INPP5B: variants seen among roughly 807,000 people sequenced by gnomAD.
The protein encoded by INPP5B is type II inositol 1,4,5-trisphosphate 5-phosphatase.
INPP5B carries 90 observed loss-of-function variants against 118.5 expected under a neutral mutation model. The observed-to-expected ratio is 0.76, with a 90% CI of 0.64 to 0.90. The LOEUF is 0.90. INPP5B is among the 40% of genes least tolerant of loss of function. INPP5B has a pLI of 0.00. For missense variants in INPP5B, 984 were observed against 1,125.6 expected (o/e 0.87, Z 1.80); for synonymous variants, 385 against 418.9 (o/e 0.92, Z 0.99).
intron 7 of INPP5B, among the ~76,000 whole-genome samples, chr1:37,908,163 A>G (rs1557681610): frequency 2.0e-5 from 3 of 152,052 alleles, no homozygotes. Flanking sequence ...TGCTCACACA[A>G]AGCCTGTTGG....
chr1:37,875,467 AC>A, intron 17 of INPP5B, 138 bp downstream of exon 17: 1 of 594,560 alleles, frequency 1.7e-6, no homozygotes, highest in Non-Finnish European at 3.0e-6. Flanking sequence ...ACAGGGTTTC[AC>A]CGTGTTAGCC....
At chr1:37,922,330 G>A (rs1271051474) in intron 7 of INPP5B, among the ~76,000 whole-genome samples, 1 of 149,466 alleles carries the variant, frequency 6.7e-6, no homozygotes, top group African/African-American at 2.5e-5. Flanking sequence ...TGGATGTTAA[G>A]GTGAGTCGAG....
chr1:37,924,578 A>G (rs1440545157), intron 7 of INPP5B, among the ~76,000 whole-genome samples: 1 of 152,146 alleles, frequency 6.6e-6, no homozygotes, highest in Non-Finnish European at 1.5e-5. Context: ...TCCCATTTTA[A>G]AGACATAAGA....
chr1:37,915,032 A>T (rs1644819391), intron 7 of INPP5B, among the ~76,000 whole-genome samples: 2 of 152,190 alleles, frequency 1.3e-5, no homozygotes, highest in African/African-American at 2.4e-5. Context: ...CTACAGTAAC[A>T]ACTGCAGCTT....
chr1:37,931,572 A>AGCG, intron 7 of INPP5B: 1 of 1,537,726 alleles, frequency 6.5e-7, no homozygotes, highest in Non-Finnish European at 8.7e-7. Flanking sequence ...CTTCGCCCCG[A>AGCG]GCGTCCACTG....
chr1:37,922,705 A>C (rs187073165), intron 7 of INPP5B, among the ~76,000 whole-genome samples: 12 of 152,268 alleles, frequency 7.9e-5, no homozygotes, highest in African/African-American at 2.9e-4. Flanking sequence ...CAAAAAAATA[A>C]ATAAAATAAA....
At chr1:37,868,413 C>G in intron 20 of INPP5B, 88 bp downstream of exon 20, 1 of 784,230 alleles carries the variant, frequency 1.3e-6, no homozygotes, top group Non-Finnish European at 2.3e-6. Flanking sequence ...CAGTTCTCCA[C>G]AGTTTCCTTA....
intron 14 of INPP5B, 101 bp downstream of exon 14, chr1:37,882,706 C>A: frequency 1.2e-6 from 1 of 815,426 alleles, no homozygotes; most frequent in South Asian, 1.6e-5. Flanking sequence ...GGAAACCTCC[C>A]AAGCCAAGGA....
At chr1:37,910,616 C>T (rs1247167524) in intron 7 of INPP5B, among the ~76,000 whole-genome samples, 1 of 152,062 alleles carries the variant, frequency 6.6e-6, no homozygotes, top group Non-Finnish European at 1.5e-5. Context: ...AACCTAATCA[C>T]CCTTACCCTG....
Position 37,868,497 on chromosome 1 carries a change from C to A in INPP5B, c.2301+4G>T. ...TCAGGTCTGAATGCTTAAACACAAC[C>A]TACCTGCTGGACAGCATTTCGGTAC... On this transcript the variant is annotated splice_donor_region_variant and intron_variant, in intron 20 of 23. Transcript: ENST00000373024. The A allele has an allele frequency of 6.2e-7, 1 of 1,605,916 alleles. No homozygotes were observed. Among genetic ancestry groups the A allele is most frequent in the Non-Finnish European group, 8.5e-7 (1 of 1,172,648 alleles).
intron 3 of INPP5B, 149 bp from the exon 4 acceptor site, chr1:37,944,042 G>C (rs1187661314): frequency 3.1e-6 from 2 of 648,514 alleles, no homozygotes; most frequent in Non-Finnish European, 5.6e-6. Context: ...TGCCATCTCT[G>C]TCTGTGGTGC....
chr1:37,897,293 G>T (rs868390595), intron 7 of INPP5B, among the ~76,000 whole-genome samples: 3 of 148,176 alleles, frequency 2.0e-5, no homozygotes, highest in African/African-American at 7.4e-5. Context: ...GAATAGAAAG[G>T]GGGGGAAGGT....
chr1:37,931,946 C>T lies in INPP5B; in HGVS notation c.499G>A (p.Val167Ile), dbSNP rs761177698. ...ATTGTCGCGTACCCTGGCCAGGTAACTAGGGCCGAGTTACAACCGCGCGGC... is the reference window on the plus strand; with the variant it reads ...ATTGTCGCGTACCCTGGCCAGGTAATTAGGGCCGAGTTACAACCGCGCGGC... ...PTPRGCNSALVTWPGYATIGG... is the reference protein window; with the variant it reads ...PTPRGCNSALITWPGYATIGG... Residue 167 changes from valine to isoleucine, a missense_variant, in exon 7 of 24, where the codon GTT (valine) becomes ATT (isoleucine). Physicochemically the swap from Val to Ile is conservative, Grantham distance 29 (BLOSUM62 3). Coordinates refer to ENST00000373024, the MANE Select transcript of INPP5B (RefSeq NM_005540.3). 1.9e-6 allele frequency: 3 copies of T among 1,614,106 alleles called. No homozygotes were observed. Among genetic ancestry groups the T allele is most frequent in the Non-Finnish European group, 2.5e-6 (3 of 1,180,032 alleles).
intron 2 of INPP5B, 44 bp from the exon 3 acceptor site, chr1:37,945,894 C>G (rs1250189965): frequency 6.4e-7 from 1 of 1,571,676 alleles, no homozygotes; most frequent in East Asian, 2.3e-5. Flanking sequence ...GGCGAGGCCT[C>G]TCCCCACCCA....
chr1:37,887,523 T>TA, intron 10 of INPP5B, 58 bp from the exon 11 acceptor site: 1 of 1,035,164 alleles, frequency 9.7e-7, no homozygotes, highest in Non-Finnish European at 1.5e-6. Flanking sequence ...AATGACACAT[T>TA]CTCAGATTGG....
chr1:37,938,434 G>A (rs1645788397), intron 6 of INPP5B, among the ~76,000 whole-genome samples: 1 of 152,024 alleles, frequency 6.6e-6, no homozygotes, highest in African/African-American at 2.4e-5. Flanking sequence ...CTTGTAGAGG[G>A]GAAAAACATT....
chr1:37,884,742 G>C (rs376394580), intron 13 of INPP5B, among the ~76,000 whole-genome samples: 14 of 152,024 alleles, frequency 9.2e-5, no homozygotes, highest in South Asian at 6.2e-4. Context: ...ACGAGGTCAG[G>C]AGTTTGAGAC....
In INPP5B at chr1:37,868,518, G is replaced by A. The variant is rs866564043; in HGVS notation, c.2284C>T (p.Arg762Ter). 3.9e-5 allele frequency: 63 copies of A among 1,612,948 alleles called. No individual in the cohort carries two copies. Among genetic ancestry groups the A allele is most frequent in the Non-Finnish European group, 4.8e-5 (57 of 1,179,112 alleles). ...CAACCTACCTGCTGGACAGCATTTCGGTACAGGTAATCAACCATCATCCAG... is the reference window on the plus strand; with the variant it reads ...CAACCTACCTGCTGGACAGCATTTCAGTACAGGTAATCAACCATCATCCAG... ...ELWMMVDYLYRNAVQQEDLFQ... is the reference protein window; with the variant it reads ...ELWMMVDYLY Residue 762 changes from arginine to a stop codon, truncating the protein, a stop_gained, in exon 20 of 24, where the codon CGA becomes TGA. Transcript: ENST00000373024. LOFTEE classifies it high-confidence loss of function.
At chr1:37,877,329 G>A (rs1034774819) in intron 16 of INPP5B, among the ~76,000 whole-genome samples, 8 of 150,374 alleles carry the variant, frequency 5.3e-5, no homozygotes, top group South Asian at 2.1e-4. Flanking sequence ...GTGACAGAGC[G>A]AGACTCCATC....
Sources: gnomAD v4.1 joint callset for allele counts (sites outside exome capture counted in the v4.1 genomes callset) on GRCh38, gnomAD v4.1.1 for gene constraint, MANE v1.5 for transcripts, NCBI Gene and HGNC (gene_info 2026-07-23, HGNC 2026-07-21) for gene names.